TTN: variants seen among roughly 807,000 people sequenced by gnomAD.
TTN encodes the protein connectin.
In TTN, 1,525 loss-of-function variants were observed where a neutral mutation model predicts 3,223.0. The ratio of observed to expected loss-of-function variants is 0.47; its 90% CI spans 0.45 to 0.49. The LOEUF (loss-of-function observed/expected upper bound fraction) is 0.49. Ranked by LOEUF, TTN falls within the 20% of genes least tolerant of loss-of-function variation. The probability of loss-of-function intolerance (pLI) is 0.00; values close to 1 mark genes in which losing one functional copy is unlikely to be tolerated. For missense variants in TTN, 40,786 were observed against 43,424.0 expected (o/e 0.94, Z 5.40); for synonymous variants, 14,094 against 15,161.0 (o/e 0.93, Z 5.17).
rs771683416 is a variant in TTN, at chr2:178,781,242, T to C, written c.3402A>G (p.Lys1134=). 2 of 1,614,056 alleles carry C rather than the reference T, an allele frequency of 1.2e-6. No individual in the cohort carries two copies. ...TCACCAGCTTGCATTCACCGGTTTG[T>C]TTGTTGTAACTCACTTTGTATCTTT... ...TGYRYKVSYN[K]QTGECKLVIS... Residue 1134 remains lysine, a synonymous_variant, in exon 21 of 363, where the codon AAA becomes AAG. Transcript: ENST00000589042.
intron 127 of TTN, among the ~76,000 whole-genome samples, chr2:178,687,683 A>G (rs2071262858): frequency 6.6e-6 from 1 of 152,224 alleles, no homozygotes; most frequent in South Asian, 2.1e-4. Context: ...TTAAAGGATT[A>G]TAATATAAAA....
In TTN at chr2:178,560,394, T is replaced by C. The variant is rs759326015; in HGVS notation, c.85738A>G (p.Ser28580Gly). The change falls in exon 326 of 363, where the codon AGT becomes GGT. Residue 28580 changes from serine to glycine, a missense_variant. By Grantham distance (56) the Ser-to-Gly change is moderately conservative. Coordinates refer to ENST00000589042, the MANE Select transcript of TTN (RefSeq NM_001267550.2). ...TCAATTATATATCCAGATATTTCAC[T>C]ACCTCCATCACTCTCGGGTCTTGAC... ...CWSRPESDGGSEISGYIIERR... is the reference protein window; with the variant it reads ...CWSRPESDGGGEISGYIIERR... 1.2e-6 allele frequency: 2 copies of C among 1,613,746 alleles called. No homozygotes were observed. Among genetic ancestry groups the C allele is most frequent in the Non-Finnish European group, 1.7e-6 (2 of 1,179,776 alleles).
chr2:178,573,544 A>G lies in TTN; in HGVS notation c.72588T>C (p.Arg24196=). Reference sequence around the variant, plus strand: ...CTCCATATTTATTTACAGCCATGACACGGAATATGTATTCATTGCCTTTCA... The same window carrying G: ...CTCCATATTTATTTACAGCCATGACGCGGAATATGTATTCATTGCCTTTCA... ...KLLKGNEYIF[R]VMAVNKYGVG... Residue 24196 remains arginine (R), a synonymous_variant, in exon 326 of 363, where the codon CGT becomes CGC. Coordinates refer to ENST00000589042, the MANE Select transcript of TTN (RefSeq NM_001267550.2). 1 of 1,497,422 alleles carries G rather than the reference A, an allele frequency of 6.7e-7. No homozygotes were observed. The highest frequency in any genetic ancestry group is 1.5e-5 in the South Asian group (1 of 68,690). The allele number at this position is 1,497,422 out of a possible 1,614,324, so 92.8% of individuals were successfully genotyped here.
chr2:178,731,486 C>T lies in TTN; in HGVS notation c.17280G>A (p.Thr5760=), dbSNP rs748617936. The change falls in exon 59 of 363, where the codon ACG becomes ACA. Residue 5760 remains threonine, a synonymous_variant. Coordinates refer to ENST00000589042, the MANE Select transcript of TTN (RefSeq NM_001267550.2). The part of the protein sequence containing the change: ...QATLKGSLPI[T]VTWLKDSDEI... The stretch of plus-strand genomic sequence containing the variant: ...CATCGCTGTCTTTTAGCCAAGTCAC[C>T]GTAATTGGCAAGGAGCCCTTCAGAG... 40 of 1,613,474 alleles carry T rather than the reference C, an allele frequency of 2.5e-5. No individual in the cohort carries two copies. Among genetic ancestry groups the T allele is most frequent in the East Asian group, 6.7e-5 (3 of 44,816 alleles).
intron 359 of TTN, 84 bp downstream of exon 359, chr2:178,529,876 T>A: frequency 7.4e-7 from 1 of 1,344,398 alleles, no homozygotes; most frequent in Non-Finnish European, 1.0e-6. Context: ...CTTTCTTGTA[T>A]GTGTATATAA....
intron 354 of TTN, 180 bp downstream of exon 354, chr2:178,538,360 G>T (rs1384319779): frequency 5.2e-6 from 3 of 578,506 alleles, no homozygotes; most frequent in Non-Finnish European, 8.7e-6. Context: ...ATCTGCTGAG[G>T]TTGTGTGCTT....
At chr2:178,669,794 C>T (rs2066652151) in intron 157 of TTN, 119 bp from the exon 158 acceptor site, 2 of 946,560 alleles carry the variant, frequency 2.1e-6, no homozygotes. Flanking sequence ...TATAAGTCAA[C>T]TATAAGTCAA....
At chr2:178,613,554 T>G (rs2056737490) in intron 263 of TTN, among the ~76,000 whole-genome samples, 197 bp downstream of exon 263, 1 of 151,962 alleles carries the variant, frequency 6.6e-6, no homozygotes, top group Non-Finnish European at 1.5e-5. Flanking sequence ...AGGTTAATAT[T>G]TTAGAGTAAA....
At position 178,706,437 on chromosome 2, in the gene TTN, G is replaced by A. The variant is rs1405934224; in HGVS notation, c.29420+17C>T. 13 of 1,596,062 alleles carry A rather than the reference G, an allele frequency of 8.1e-6. No homozygotes were observed. Among genetic ancestry groups the A allele is most frequent in the African/African-American group, 1.3e-5 (1 of 74,666 alleles). The stretch of plus-strand genomic sequence containing the variant: ...TGGAGGGCTGATTGTACGATTTGTG[G>A]TTTTTATTGAACTCACTTTTTCAGC... On this transcript the variant is annotated intron_variant, in intron 102 of 362. Transcript: ENST00000589042.
chr2:178,688,008 G>A (rs1409831402), intron 127 of TTN, 103 bp downstream of exon 127: 15 of 859,600 alleles, frequency 1.7e-5, no homozygotes, highest in Non-Finnish European at 2.6e-5. Flanking sequence ...CACTGAATTT[G>A]TGTCACTTTT....
At chr2:178,785,542 C>G in intron 15 of TTN, 78 bp downstream of exon 15, 1 of 1,601,700 alleles carries the variant, frequency 6.2e-7, no homozygotes, top group African/African-American at 1.3e-5. Context: ...CATTGGCCTA[C>G]CCCAGAGATG....
intron 151 of TTN, 36 bp downstream of exon 151, chr2:178,674,278 G>T (rs768750255): frequency 8.0e-7 from 1 of 1,253,708 alleles, no homozygotes; most frequent in Non-Finnish European, 1.1e-6. Context: ...GGAACACCAG[G>T]AATTTTAAAT....
At position 178,741,489 on chromosome 2, in the gene TTN, C is replaced by A; in HGVS notation, c.11744G>T (p.Gly3915Val). 1 of 1,613,854 alleles carries A rather than the reference C, an allele frequency of 6.2e-7. No homozygotes were observed. The highest frequency in any genetic ancestry group is 1.7e-4 in the Middle Eastern group (1 of 6,060). ...AYLKINSKGE[G>V]HKDTETESAV... ...TGATTCTGTTTCAGTGTCTTTGTGA[C>A]CCTCTCCTTTGGAATTAATTTTTAG... The change falls in exon 48 of 363, where the codon GGT becomes GTT. Residue 3915 changes from glycine to valine, a missense_variant. Coordinates refer to ENST00000589042, the MANE Select transcript of TTN (RefSeq NM_001267550.2).
chr2:178,805,093 A>G (rs777045241), intron 1 of TTN, among the ~76,000 whole-genome samples: 7 of 152,150 alleles, frequency 4.6e-5, no homozygotes, highest in Non-Finnish European at 1.0e-4. Context: ...TGGTAATCCC[A>G]GCACTTTAGG....
chr2:178,760,076 T>C (rs185029038), intron 43 of TTN, among the ~76,000 whole-genome samples: 1 of 152,340 alleles, frequency 6.6e-6, no homozygotes, highest in Admixed American at 6.5e-5. Context: ...TCCAAGATGA[T>C]CTTCTAATAG....
In TTN at chr2:178,734,966, C is replaced by G; in HGVS notation, c.14958G>C (p.Lys4986Asn). The change falls in exon 51 of 363, where the codon AAG (lysine) becomes AAC (asparagine). Residue 4986 changes from lysine to asparagine, a missense_variant. Lys to Asn is a moderately conservative substitution (Grantham distance 94). Coordinates refer to ENST00000589042, the MANE Select transcript of TTN (RefSeq NM_001267550.2). ...GGAGCATTAAATAAGAGGGATCCAC[C>G]TTCTTCACGAAGGATGGTGGCTCTA... Reference protein sequence around the residue: ...TVREPPSFVKKVDPSYLMLPG... With the variant: ...TVREPPSFVKNVDPSYLMLPG... 6.3e-7 allele frequency: 1 copy of G among 1,591,460 alleles called. No homozygotes were observed. The highest frequency in any genetic ancestry group is 1.1e-5 in the South Asian group (1 of 88,550).
chr2:178,556,525 G>T, intron 330 of TTN: 1 of 329,532 alleles, frequency 3.0e-6, no homozygotes, highest in Non-Finnish European at 5.5e-6. Context: ...TATTCTCTAG[G>T]AACTCAACCA....
Position 178,678,814 on chromosome 2 carries a change from C to G in TTN, c.33759G>C (p.Lys11253Asn), listed in dbSNP as rs770855766. 1.3e-6 allele frequency: 2 copies of G among 1,594,598 alleles called. No individual in the cohort carries two copies. Residue 11253 changes from lysine to asparagine, a missense_variant, in exon 143 of 363, where the codon AAG (lysine) becomes AAC (asparagine). Coordinates refer to ENST00000589042, the MANE Select transcript of TTN (RefSeq NM_001267550.2). ...PPPAKVPEVP[K>N]KPVPEEKVPV... ...GTACTTTCTCCTCTGGCACAGGTTT[C>G]TTGGGCACTTCAGGAACTTCAAAGA...
In TTN at chr2:178,694,901, T is replaced by C; in HGVS notation, c.31276A>G (p.Lys10426Glu). The C allele has an allele frequency of 1.9e-6, 3 of 1,549,232 alleles. No homozygotes were observed. Among genetic ancestry groups the C allele is most frequent in the Non-Finnish European group, 8.7e-7 (1 of 1,145,624 alleles). The change falls in exon 116 of 363, where the codon AAG becomes GAG. Residue 10426 changes from lysine to glutamate, a missense_variant. Transcript: ENST00000589042. ...KKAPPPPKVIKKPVIEKIEKT... is the reference protein window; with the variant it reads ...KKAPPPPKVIEKPVIEKIEKT... The stretch of plus-strand genomic sequence containing the variant: ...TCAATTTTTTCAATTACTGGCTTCT[T>C]TATAACTGCAAGCATTTTAGAGAAA...
Sources: gnomAD v4.1 joint callset for allele counts (sites outside exome capture counted in the v4.1 genomes callset) on GRCh38, gnomAD v4.1.1 for gene constraint, MANE v1.5 for transcripts, NCBI Gene and HGNC (gene_info 2026-07-23, HGNC 2026-07-21) for gene names.